The following PIEZO1 variants were observed in gnomAD, a reference collection of about 807,000 sequenced individuals.
PIEZO1 encodes piezo-type mechanosensitive ion channel component 1.
In PIEZO1, 296 loss-of-function variants were observed where a neutral mutation model predicts 297.2. That is an observed-to-expected ratio of 1.00 (90% CI 0.91 to 1.10). PIEZO1 has a LOEUF of 1.10. PIEZO1 is among the 50% of genes least tolerant of loss of function. PIEZO1 has a pLI of 0.00. For missense variants in PIEZO1, 5,018 were observed against 3,455.5 expected, an observed-to-expected ratio of 1.45 and a Z score of -11.34; for synonymous variants, 2,427 against 1,507.5, an observed-to-expected ratio of 1.61 and a Z score of -14.13.
chr16:88,725,119 C>G lies in PIEZO1; in HGVS notation c.4163-39G>C, dbSNP rs546453617. ...GGGTGAGCATGAGGCAGCAGTCAAG[C>G]CACCAGGAGGGGTCGGGGCTGTGAG... On this transcript the variant is annotated intron_variant, in intron 29 of 50. Transcript: ENST00000301015. 68 of 1,411,774 alleles carry G rather than the reference C, an allele frequency of 4.8e-5. No homozygotes were observed. The African/African-American group carries it at 9.4e-4, about 19-fold the overall frequency. 87.5% of individuals were successfully genotyped at this position (1,411,774 alleles called of 1,614,324 possible). A position where few individuals can be genotyped will look rare whatever the true frequency, so the allele number is the denominator to read the frequency against.
At chr16:88,751,479 G>A (rs1330297692) in intron 1 of PIEZO1, among the ~76,000 whole-genome samples, 1 of 152,186 alleles carries the variant, frequency 6.6e-6, no homozygotes, top group Non-Finnish European at 1.5e-5. Flanking sequence ...AGGCGGCCTC[G>A]GCTTAGCGCA....
chr16:88,734,486 T>A lies in PIEZO1; in HGVS notation c.2050A>T (p.Ile684Phe). Residue 684 changes from isoleucine to phenylalanine, a missense_variant, in exon 16 of 51, where the codon ATC becomes TTC. Physicochemically the swap from Ile to Phe is conservative, Grantham distance 21 (BLOSUM62 0). Transcript: ENST00000301015. ...AGGAGGAAGAAGCCGGGCACCAGGA[T>A]GCTGGAGAAGAGCTCGGACACGCTG... ...QFSVSELFSS[I>F]LVPGFFLLAC... 6.5e-7 allele frequency: 1 copy of A among 1,549,464 alleles called. No individual in the cohort carries two copies. Among genetic ancestry groups the A allele is most frequent in the Non-Finnish European group, 8.7e-7 (1 of 1,146,498 alleles).
In PIEZO1 at chr16:88,727,225, C is replaced by T. The variant is rs752094257; in HGVS notation, c.3302-33G>A. 2.0e-5 allele frequency: 30 copies of T among 1,504,082 alleles called. 1 individual carries two copies. Among genetic ancestry groups the T allele is most frequent in the Middle Eastern group, 2.3e-4 (1 of 4,314 alleles). 93.2% of individuals were successfully genotyped at this position (1,504,082 alleles called of 1,614,324 possible). On this transcript the variant is annotated intron_variant, in intron 23 of 50. Transcript: ENST00000301015. ...ACACAGGAGCCGCCGCTGTGCCACA[C>T]GGGGACCCACACGAGGTGGGCACGG... is the stretch of plus-strand genomic sequence containing the variant.
rs1400856795 is a variant in PIEZO1 at position 88,723,325 on chromosome 16, C to G, written c.4339G>C (p.Ala1447Pro). The stretch of plus-strand genomic sequence containing the variant: ...GCGTTGGTCACCCATGCCTGGTACG[C>G]CAGCTGTCGGCCAGCCCCCGGGTTA... Reference protein sequence around the residue: ...RPSAQSAFQLAYQAWVTNAQA... With the variant: ...RPSAQSAFQLPYQAWVTNAQA... Residue 1447 changes from alanine (A) to proline (P), a missense_variant, in exon 32 of 51, where the codon GCG (alanine) becomes CCG (proline). Transcript: ENST00000301015. The G allele has an allele frequency of 6.5e-7, 1 of 1,537,968 alleles. No individual in the cohort carries two copies. The highest frequency in any genetic ancestry group is 8.7e-7 in the Non-Finnish European group (1 of 1,146,668).
intron 30 of PIEZO1, among the ~76,000 whole-genome samples, chr16:88,724,439 G>A (rs1904311765): frequency 6.6e-6 from 1 of 151,890 alleles, no homozygotes; most frequent in South Asian, 2.1e-4. Flanking sequence ...GCTGAGGCAG[G>A]AGAATCCTTT....
At chr16:88,723,487 G>A (rs1904299928) in intron 31 of PIEZO1, among the ~76,000 whole-genome samples, 159 bp from the exon 32 acceptor site, 1 of 152,242 alleles carries the variant, frequency 6.6e-6, no homozygotes, top group South Asian at 2.1e-4. Context: ...GACCCTGAGG[G>A]GCTGTGGGGG....
At chr16:88,718,002 G>T (rs1912172514) in intron 44 of PIEZO1, 2 of 331,846 alleles carry the variant, frequency 6.0e-6, no homozygotes, top group Non-Finnish European at 1.2e-5. Flanking sequence ...AGAATCGCTT[G>T]AACCTGGGAG....
At chr16:88,752,226 T>C (rs1221795647) in intron 1 of PIEZO1, among the ~76,000 whole-genome samples, 1 of 152,224 alleles carries the variant, frequency 6.6e-6, no homozygotes, top group East Asian at 1.9e-4. Context: ...CTGAGGCCTG[T>C]AATCCCAGCA....
At chr16:88,742,534 T>C (rs2142845344) in intron 2 of PIEZO1, 112 bp from the exon 3 acceptor site, 1 of 1,136,722 alleles carries the variant, frequency 8.8e-7, no homozygotes, top group Non-Finnish European at 1.2e-6. Context: ...AGGCCTGAGA[T>C]GCAAACCCGC....
intron 10 of PIEZO1, chr16:88,737,089 A>G (rs930065400): frequency 4.2e-6 from 1 of 240,328 alleles, no homozygotes; most frequent in East Asian, 1.1e-4. Flanking sequence ...ATGGAAAATC[A>G]AGGGTTAGGG....
chr16:88,726,245 A>C (rs1426647967), intron 27 of PIEZO1, 39 bp downstream of exon 27: 1 of 1,506,162 alleles, frequency 6.6e-7, no homozygotes, highest in East Asian at 2.5e-5. Context: ...TCCCAGCCCC[A>C]AGACGGGAGC....
intron 42 of PIEZO1, 24 bp downstream of exon 42, chr16:88,720,045 G>C (rs542591795): frequency 2.6e-6 from 4 of 1,549,524 alleles, no homozygotes; most frequent in Non-Finnish European, 1.7e-6. Flanking sequence ...CCTGGAGACC[G>C]AGCGCCCCCA....
At position 88,734,726 on chromosome 16, in the gene PIEZO1, G is replaced by C. The variant is rs1218355610; in HGVS notation, c.1921C>G (p.Leu641Val). Residue 641 changes from leucine (L) to valine (V), a missense_variant, in exon 15 of 51, where the codon CTC (leucine) becomes GTC (valine). Physicochemically the swap from Leu to Val is conservative, Grantham distance 32 (BLOSUM62 1). Transcript: ENST00000301015. ...WLVVAYTMLV[L>V]IAVYTFQFQD... ...AACTGGAAGGTGTAGACGGCGATGA[G>C]GACCAGCATGGTGTAGGCCACCACG... 2 of 1,550,306 alleles carry C rather than the reference G, an allele frequency of 1.3e-6. No individual in the cohort carries two copies. Among genetic ancestry groups the C allele is most frequent in the African/African-American group, 1.4e-5 (1 of 73,158 alleles).
chr16:88,743,716 C>G, intron 2 of PIEZO1: 1 of 448,480 alleles, frequency 2.2e-6, no homozygotes, highest in Non-Finnish European at 4.5e-6. Flanking sequence ...TAAGCCTGAC[C>G]GTGAAGCAGC....
At chr16:88,721,475 G>A in intron 38 of PIEZO1, 45 bp from the exon 39 acceptor site, 2 of 1,538,760 alleles carry the variant, frequency 1.3e-6, no homozygotes, top group Non-Finnish European at 1.8e-6. Flanking sequence ...CCTCCCTGGT[G>A]GAGAGCACAG....
chr16:88,725,904 C>T (rs1487577280), intron 27 of PIEZO1: 1 of 576,162 alleles, frequency 1.7e-6, no homozygotes, highest in East Asian at 2.9e-5. Context: ...CGTCTGGTGG[C>T]ACCCACCCCA....
Position 88,719,841 on chromosome 16 carries a change from G to C in PIEZO1, c.6284C>G (p.Thr2095Ser), listed in dbSNP as rs530443747. The change falls in exon 43 of 51, where the codon ACC (threonine) becomes AGC (serine). Residue 2095 changes from threonine to serine, a missense_variant. By Grantham distance (58) the Thr-to-Ser change is moderately conservative. Coordinates refer to ENST00000301015, the MANE Select transcript of PIEZO1 (RefSeq NM_001142864.4). The part of the protein sequence containing the change: ...YPTRILGNFL[T>S]KKYNHLNLFL... ...GAGGTTGAGATGATTGTACTTCTTG[G>C]TGAGGAAGTTGCCGAGGATGCGGGT... is the stretch of plus-strand genomic sequence containing the variant. 6.4e-7 allele frequency: 1 copy of C among 1,550,576 alleles called. No individual in the cohort carries two copies. The highest frequency in any genetic ancestry group is 1.4e-5 in the African/African-American group (1 of 73,168).
chr16:88,745,232 A>C (rs1052108675), intron 2 of PIEZO1: 1 of 152,192 alleles, frequency 6.6e-6, no homozygotes, highest in African/African-American at 2.4e-5. Context: ...TCCTGGCAGG[A>C]CACACCCAGC....
chr16:88,782,716 G>A (rs2142916239), intron 1 of PIEZO1, among the ~76,000 whole-genome samples: 1 of 152,356 alleles, frequency 6.6e-6, no homozygotes, highest in East Asian at 1.9e-4. Flanking sequence ...CAGAGAGGGA[G>A]GGGGCACTCC....
Sources: gnomAD v4.1 joint callset for allele counts (sites outside exome capture counted in the v4.1 genomes callset) on GRCh38, gnomAD v4.1.1 for gene constraint, MANE v1.5 for transcripts, NCBI Gene and HGNC (gene_info 2026-07-23, HGNC 2026-07-21) for gene names.